The following FUBP1 variants were observed in gnomAD, a reference collection of about 807,000 sequenced individuals.
The protein encoded by FUBP1 is far upstream element binding protein 1, also known as far upstream element-binding protein 1.
In FUBP1, 16 loss-of-function variants were observed where a neutral mutation model predicts 94.9. That is an observed-to-expected ratio of 0.17 (90% CI 0.11 to 0.26). The LOEUF (loss-of-function observed/expected upper bound fraction) is 0.26, where lower values mean the gene tolerates loss of function less well. Among genes scored for constraint, FUBP1 ranks in the 10% least tolerant of loss-of-function variants. FUBP1 has a pLI of 1.00. For missense variants in FUBP1, 583 were observed against 808.6 expected (o/e 0.72, Z 3.38); for synonymous variants, 279 against 254.9 (o/e 1.09, Z -0.90).
intron 18 of FUBP1, among the ~76,000 whole-genome samples, chr1:77,949,788 G>A (rs1056625522): frequency 2.0e-5 from 3 of 152,154 alleles, no homozygotes; most frequent in Non-Finnish European, 2.9e-5. Context: ...TAAAGGCAAT[G>A]ATTTAAAGAC....
At chr1:77,972,842 T>C (rs1424267675) in intron 1 of FUBP1, among the ~76,000 whole-genome samples, 1 of 151,794 alleles carries the variant, frequency 6.6e-6, no homozygotes, top group Non-Finnish European at 1.5e-5. Context: ...AGTAACAGCA[T>C]TTCAAAAACT....
chr1:77,950,544 A>G (rs1046769032), intron 18 of FUBP1, among the ~76,000 whole-genome samples: 1 of 152,244 alleles, frequency 6.6e-6, no homozygotes, highest in Non-Finnish European at 1.5e-5. Flanking sequence ...TAAAGCGCAT[A>G]CAGCAAACTT....
intron 1 of FUBP1, among the ~76,000 whole-genome samples, chr1:77,974,918 T>G (rs1272969978): frequency 6.6e-6 from 1 of 152,198 alleles, no homozygotes; most frequent in Non-Finnish European, 1.5e-5. Context: ...CCAGGAACCA[T>G]GCAAATACCA....
chr1:77,975,046 T>C (rs1322284381), intron 1 of FUBP1, among the ~76,000 whole-genome samples: 1 of 152,256 alleles, frequency 6.6e-6, no homozygotes, highest in Non-Finnish European at 1.5e-5. Context: ...TGATACAATG[T>C]ACATAGTTGT....
chr1:77,970,700 A>C (rs1657361698), intron 1 of FUBP1, among the ~76,000 whole-genome samples: 1 of 152,162 alleles, frequency 6.6e-6, no homozygotes, highest in South Asian at 2.1e-4. Context: ...AAGATTTTTA[A>C]ATTTTAGAGT....
intron 16 of FUBP1, among the ~76,000 whole-genome samples, chr1:77,958,595 T>C (rs1654904189): frequency 6.6e-6 from 1 of 152,138 alleles, no homozygotes. Context: ...GTTAAATGGG[T>C]TACTTCTTGC....
chr1:77,956,769 C>CCA, intron 16 of FUBP1, 69 bp from the exon 17 acceptor site: 1 of 1,069,652 alleles, frequency 9.3e-7, no homozygotes, highest in Non-Finnish European at 1.3e-6. Context: ...ACACACACCA[C>CCA]CCCCCCGCCC....
At chr1:77,956,958 A>C (rs534135158) in intron 16 of FUBP1, among the ~76,000 whole-genome samples, 10 of 152,334 alleles carry the variant, frequency 6.6e-5, no homozygotes, top group Admixed American at 6.5e-4. Flanking sequence ...CTGGGATATG[A>C]ATAAAGGTCT....
chr1:77,973,394 C>T (rs935170911), intron 1 of FUBP1, among the ~76,000 whole-genome samples: 3 of 151,940 alleles, frequency 2.0e-5, no homozygotes, highest in Non-Finnish European at 2.9e-5. Flanking sequence ...TACAGGCGCC[C>T]GCCACCATGC....
rs1018676923 is a variant in FUBP1, at chr1:77,964,483, A to G, written c.838-127T>C. The stretch of plus-strand genomic sequence containing the variant: ...ATCATAAAAGTACATATAATTCTAT[A>G]TTTATAGTAAATAGGGTAACAAGAT... On this transcript the variant is annotated intron_variant, in intron 10 of 19. Coordinates refer to ENST00000370768, the MANE Select transcript of FUBP1 (RefSeq NM_003902.5). 6 of 674,002 alleles carry G rather than the reference A, an allele frequency of 8.9e-6. No individual in the cohort carries two copies. The African/African-American group carries it at 9.1e-5, about 10-fold the overall frequency. The allele number at this position is 674,002 out of a possible 1,614,324, so 41.8% of individuals were successfully genotyped here.
rs201322936 is a variant in FUBP1, at chr1:77,965,234, G to A, written c.474-3C>T. Reference sequence around the variant, plus strand: ...GGTCCAGTAACCGTTTTGCTGACCTGTTAACAAATTAATATTTAAATAGTA... The same window carrying A: ...GGTCCAGTAACCGTTTTGCTGACCTATTAACAAATTAATATTTAAATAGTA... On this transcript the variant is annotated splice_polypyrimidine_tract_variant and splice_region_variant and intron_variant, in intron 7 of 19. Transcript: ENST00000370768. 36 of 1,588,624 alleles carry A rather than the reference G, an allele frequency of 2.3e-5. No homozygotes were observed. The highest frequency in any genetic ancestry group is 2.8e-5 in the Non-Finnish European group (33 of 1,160,158).
At chr1:77,975,195 A>G (rs1298082788) in intron 1 of FUBP1, among the ~76,000 whole-genome samples, 1 of 152,228 alleles carries the variant, frequency 6.6e-6, no homozygotes, top group Non-Finnish European at 1.5e-5. Flanking sequence ...ATTCATTAAA[A>G]ATGTTTATTG....
At chr1:77,978,618 C>T (rs767665676) in intron 1 of FUBP1, among the ~76,000 whole-genome samples, 112 of 152,200 alleles carry the variant, frequency 7.4e-4, no homozygotes, top group Non-Finnish European at 4.4e-4. Flanking sequence ...TCACTGGAGA[C>T]ACGCGAGTGC....
rs1257051699 is a variant in FUBP1, at chr1:77,968,213, T to A, written c.212-10A>T. On this transcript the variant is annotated splice_polypyrimidine_tract_variant and intron_variant, in intron 2 of 19. Transcript: ENST00000370768. ...TTAGCATCTGGTTGATCTGCAAAAT[T>A]AAGTGTCTTTTAATTTTTTGCCAAT... 1 of 1,524,320 alleles carries A rather than the reference T, an allele frequency of 6.6e-7. No individual in the cohort carries two copies. Among genetic ancestry groups the A allele is most frequent in the Non-Finnish European group, 8.8e-7 (1 of 1,135,514 alleles). 94.4% of individuals were successfully genotyped at this position (1,524,320 alleles called of 1,614,324 possible).
intron 16 of FUBP1, among the ~76,000 whole-genome samples, chr1:77,959,766 A>G (rs965077982): frequency 2.4e-4 from 36 of 152,316 alleles, no homozygotes; most frequent in African/African-American, 8.4e-4. Flanking sequence ...CCTCAGCCTC[A>G]GACTTCTGAA....
intron 19 of FUBP1, 159 bp downstream of exon 19, chr1:77,948,996 A>C: frequency 2.1e-6 from 2 of 932,678 alleles, no homozygotes; most frequent in Non-Finnish European, 3.3e-6. Context: ...ATTATAAAAA[A>C]CAAAAAAACC....
chr1:77,966,974 A>AAT lies in FUBP1; in HGVS notation c.344-20_344-19insAT. The AAT allele has an allele frequency of 2.1e-5, 30 of 1,458,622 alleles. No homozygotes were observed. The highest frequency in any genetic ancestry group is 2.5e-5 in the Non-Finnish European group (26 of 1,053,060). The allele number at this position is 1,458,622 out of a possible 1,614,324, so 90.4% of individuals were successfully genotyped here. A position where few individuals can be genotyped will look rare whatever the true frequency, so the allele number is the denominator to read the frequency against. Reference sequence around the variant, plus strand: ...CCAATTACTAGTTAGAAAAAAAAAAATTTTTTTTTTGGTTGAAAGATTCTA... The same window carrying AAT: ...CCAATTACTAGTTAGAAAAAAAAAAAATTTTTTTTTTTGGTTGAAAGATTCTA... On this transcript the variant is annotated intron_variant, in intron 5 of 19. Transcript: ENST00000370768.
At chr1:77,972,426 A>G (rs1657736444) in intron 1 of FUBP1, among the ~76,000 whole-genome samples, 2 of 152,036 alleles carry the variant, frequency 1.3e-5, no homozygotes, top group Admixed American at 1.3e-4. Flanking sequence ...TACCCACTGA[A>G]TAGTTCAAAA....
chr1:77,975,739 T>A (rs1325417470), intron 1 of FUBP1, among the ~76,000 whole-genome samples: 2 of 152,102 alleles, frequency 1.3e-5, no homozygotes, highest in African/African-American at 2.4e-5. Context: ...ATCTCTGGAG[T>A]TACAGCTTGA....
Sources: allele counts gnomAD v4.1 joint callset (sites outside exome capture counted in the v4.1 genomes callset), GRCh38; gene constraint gnomAD v4.1.1; transcripts MANE v1.5; gene names NCBI Gene and HGNC (gene_info 2026-07-23, HGNC 2026-07-21).